ERLIN1: variants seen among roughly 807,000 people sequenced by gnomAD.
ERLIN1 encodes ER lipid raft associated 1.
In ERLIN1, 24 loss-of-function variants were observed where a neutral mutation model predicts 46.9. The observed-to-expected ratio is 0.51, with a 90% CI of 0.37 to 0.72. The LOEUF is 0.72. Ranked by LOEUF, ERLIN1 falls within the 30% of genes least tolerant of loss-of-function variation. ERLIN1 has a pLI of 0.00. For missense variants in ERLIN1, 293 were observed against 417.9 expected (o/e 0.70, Z 2.61); for synonymous variants, 158 against 143.2 (o/e 1.10, Z -0.74).
chr10:100,151,984 A>C lies in ERLIN1; in HGVS notation c.*147T>G. 1.4e-6 allele frequency: 1 copy of C among 705,088 alleles called. No homozygotes were observed. Among genetic ancestry groups the C allele is most frequent in the South Asian group, 1.5e-5 (1 of 66,380 alleles). 43.7% of individuals were successfully genotyped at this position (705,088 alleles called of 1,614,324 possible). A position where few individuals can be genotyped will look rare whatever the true frequency, so the allele number is the denominator to read the frequency against. On this transcript the variant is annotated 3_prime_UTR_variant, in exon 11 of 11. Transcript: ENST00000421367. ...TGTCAGACAGCTGGCTCTATCCTCC[A>C]ATCAGTGGAGCACCCAGGACTATCG...
At chr10:100,174,331 AC>A in intron 5 of ERLIN1, 50 bp from the exon 6 acceptor site, 1 of 1,289,272 alleles carries the variant, frequency 7.8e-7, no homozygotes, top group Non-Finnish European at 1.1e-6. Flanking sequence ...AATTTTTTTT[AC>A]ATTGTATTCA....
chr10:100,182,648 T>TA (rs977271255), intron 2 of ERLIN1, among the ~76,000 whole-genome samples: 3 of 151,852 alleles, frequency 2.0e-5, no homozygotes, highest in African/African-American at 7.3e-5. Context: ...AGAAAACACA[T>TA]AAAAAAACTT....
intron 6 of ERLIN1, among the ~76,000 whole-genome samples, chr10:100,167,815 AAAAC>A (rs755447338): frequency 6.6e-6 from 1 of 152,256 alleles, no homozygotes; most frequent in Non-Finnish European, 1.5e-5. Flanking sequence ...GTCAAATACA[AAAAC>A]AAACAAAAAA....
At chr10:100,179,622 A>G (rs1168693175) in intron 2 of ERLIN1, among the ~76,000 whole-genome samples, 2 of 152,010 alleles carry the variant, frequency 1.3e-5, no homozygotes, top group Non-Finnish European at 2.9e-5. Context: ...ACGCTCAGCT[A>G]ATTTTTGTAT....
At chr10:100,159,139 G>T (rs1007807837) in intron 8 of ERLIN1, among the ~76,000 whole-genome samples, 1 of 152,070 alleles carries the variant, frequency 6.6e-6, no homozygotes, top group Non-Finnish European at 1.5e-5. Context: ...GAAAAATCTG[G>T]TATAGCTATA....
At chr10:100,173,573 C>T (rs1441505026) in intron 6 of ERLIN1, among the ~76,000 whole-genome samples, 1 of 151,966 alleles carries the variant, frequency 6.6e-6, no homozygotes, top group African/African-American at 2.4e-5. Context: ...AGGGGTAAAA[C>T]CTCTCACCAT....
In ERLIN1 at chr10:100,178,128, C is replaced by G; in HGVS notation, c.304+5G>C. The G allele has an allele frequency of 6.4e-7, 1 of 1,558,678 alleles. No individual in the cohort carries two copies. The highest frequency in any genetic ancestry group is 8.7e-7 in the Non-Finnish European group (1 of 1,143,266). On this transcript the variant is annotated splice_donor_5th_base_variant and intron_variant, in intron 4 of 10. Coordinates refer to ENST00000421367, the MANE Select transcript of ERLIN1 (RefSeq NM_006459.4). ...ATAAAAACCACAGGTAGATGGGTAA[C>G]ATACCTGCATAAGGAGCCAACATAT... is the stretch of plus-strand genomic sequence containing the variant.
Position 100,185,776 on chromosome 10 carries a change from C to T in ERLIN1, c.-150G>A. ...CCAGTACCCCTGTCCCCTCATTCTT[C>T]CCTTCTGGCTGAGCCCGCTGACCCC... is the stretch of plus-strand genomic sequence containing the variant. On this transcript the variant is annotated 5_prime_UTR_variant, in exon 1 of 11. Transcript: ENST00000421367. 1.6e-6 allele frequency: 1 copy of T among 642,468 alleles called. No individual in the cohort carries two copies. The highest frequency in any genetic ancestry group is 2.8e-6 in the Non-Finnish European group (1 of 359,054). The allele number at this position is 642,468 out of a possible 1,614,324, so 39.8% of individuals were successfully genotyped here. A position where few individuals can be genotyped will look rare whatever the true frequency, so the allele number is the denominator to read the frequency against.
At chr10:100,156,751 G>A (rs182941763) in intron 8 of ERLIN1, among the ~76,000 whole-genome samples, 15 of 152,258 alleles carry the variant, frequency 9.9e-5, no homozygotes, top group Admixed American at 5.9e-4. Flanking sequence ...GGTGATTCAC[G>A]CCTGTAACCC....
intron 3 of ERLIN1, 150 bp from the exon 4 acceptor site, chr10:100,178,344 C>G: frequency 1.8e-6 from 1 of 562,734 alleles, no homozygotes; most frequent in South Asian, 2.4e-5. Context: ...CATTTCTGTC[C>G]CTCTATAGAT....
chr10:100,156,481 C>T (rs1413915501), intron 8 of ERLIN1, among the ~76,000 whole-genome samples: 1 of 152,118 alleles, frequency 6.6e-6, no homozygotes, highest in African/African-American at 2.4e-5. Flanking sequence ...GGTTAAAGTG[C>T]CAGTCCTTCA....
intron 2 of ERLIN1, among the ~76,000 whole-genome samples, chr10:100,182,684 T>G (rs953878321): frequency 1.3e-5 from 2 of 151,968 alleles, no homozygotes; most frequent in African/African-American, 2.4e-5. Flanking sequence ...ACAACAATAT[T>G]AAAGAAAATA....
chr10:100,160,351 T>C (rs1045262831), intron 8 of ERLIN1, among the ~76,000 whole-genome samples: 5 of 152,080 alleles, frequency 3.3e-5, no homozygotes, highest in Non-Finnish European at 5.9e-5. Context: ...ACAGATCTGA[T>C]ACATAATGAT....
rs936385423 is a variant in ERLIN1, at chr10:100,174,226, G to A, written c.486C>T (p.Ala162=). The A allele has an allele frequency of 1.3e-6, 2 of 1,563,518 alleles. No homozygotes were observed. Among genetic ancestry groups the A allele is most frequent in the Middle Eastern group, 1.7e-4 (1 of 6,012 alleles). The change falls in exon 6 of 11, where the codon GCC becomes GCT. Residue 162 remains alanine (A), a synonymous_variant. Coordinates refer to ENST00000421367, the MANE Select transcript of ERLIN1 (RefSeq NM_006459.4). Reference sequence around the variant, plus strand: ...AACTTACCTGTATAGTGAGACCTGGGGCCATGAGGTTTAAGTCTTTCTGCA... The same window carrying A: ...AACTTACCTGTATAGTGAGACCTGGAGCCATGAGGTTTAAGTCTTTCTGCA... ...QALQKDLNLM[A]PGLTIQAVRV... is the part of the protein sequence containing the mutation.
intron 7 of ERLIN1, among the ~76,000 whole-genome samples, chr10:100,166,211 G>A (rs1843630722): frequency 6.6e-6 from 1 of 152,160 alleles, no homozygotes; most frequent in South Asian, 2.1e-4. Flanking sequence ...CTTGAGCCCA[G>A]GAGTTTGAGA....
chr10:100,151,715 A>C lies in ERLIN1; in HGVS notation c.*416T>G, dbSNP rs184324178. ...TCCCAGGTGCAATCAGTCTTCTTGA[A>C]CTTACCATCTCCTTCTCAGTCATCT... On this transcript the variant is annotated 3_prime_UTR_variant, in exon 11 of 11. Transcript: ENST00000421367. The C allele has an allele frequency of 1.8e-5, 5 of 280,066 alleles. No homozygotes were observed. In the East Asian group the frequency reaches 4.4e-4, roughly 25 times the overall value. The allele number at this position is 280,066 out of a possible 1,614,324, so 17.3% of individuals were successfully genotyped here.
chr10:100,180,312 C>T (rs761795235), intron 2 of ERLIN1, among the ~76,000 whole-genome samples: 3 of 152,174 alleles, frequency 2.0e-5, no homozygotes, highest in Non-Finnish European at 2.9e-5. Context: ...GAATCACAGT[C>T]CCTGTTTCCA....
chr10:100,176,203 C>T (rs1167150736), intron 4 of ERLIN1, 133 bp from the exon 5 acceptor site: 10 of 653,312 alleles, frequency 1.5e-5, no homozygotes, highest in Non-Finnish European at 2.4e-5. Context: ...AAACCAAAAA[C>T]CACAACTAAC....
intron 6 of ERLIN1, among the ~76,000 whole-genome samples, chr10:100,169,104 G>A (rs752445414): frequency 2.6e-5 from 4 of 152,172 alleles, no homozygotes; most frequent in Non-Finnish European, 4.4e-5. Flanking sequence ...AACACTTACT[G>A]TACAGATACC....
Sources: allele counts gnomAD v4.1 joint callset (sites outside exome capture counted in the v4.1 genomes callset), GRCh38; gene constraint gnomAD v4.1.1; transcripts MANE v1.5; gene names NCBI Gene and HGNC (gene_info 2026-07-23, HGNC 2026-07-21).